Variants in NKAIN2 observed in about 807,000 individuals in gnomAD.
NKAIN2 encodes sodium/potassium transporting ATPase interacting 2, also known as sodium/potassium-transporting ATPase subunit beta-1-interacting protein 2.
A neutral mutation model predicts 32.6 loss-of-function variants in NKAIN2; 14 were observed. The ratio of observed to expected loss-of-function variants is 0.43; its 90% CI spans 0.28 to 0.67. The LOEUF (loss-of-function observed/expected upper bound fraction) is 0.67. NKAIN2 is among the 30% of genes least tolerant of loss of function. The pLI is 0.17. For synonymous variants in NKAIN2, 80 were observed against 87.2 expected, an observed-to-expected ratio of 0.92 and a Z score of 0.46; for missense variants, 198 against 258.3, an observed-to-expected ratio of 0.77 and a Z score of 1.60.
intron 1 of NKAIN2, among the ~76,000 whole-genome samples, chr6:124,069,841 G>A (rs1783358062): frequency 6.6e-6 from 1 of 152,152 alleles, no homozygotes; most frequent in South Asian, 2.1e-4. Flanking sequence ...TGGAATTTAT[G>A]CCAAATTCCA....
At chr6:123,881,877 T>A (rs1383259335) in intron 1 of NKAIN2, among the ~76,000 whole-genome samples, 1 of 152,196 alleles carries the variant, frequency 6.6e-6, no homozygotes, top group East Asian at 1.9e-4. Context: ...CTTTTAGTCA[T>A]ATTCTGTAGA....
At chr6:124,279,375 C>T (rs933711638) in intron 1 of NKAIN2, among the ~76,000 whole-genome samples, 5 of 151,860 alleles carry the variant, frequency 3.3e-5, no homozygotes, top group South Asian at 4.2e-4. Flanking sequence ...GGTGTGGTGG[C>T]GGGCACCTGT....
At chr6:124,341,026 T>G (rs1398500126) in intron 2 of NKAIN2, among the ~76,000 whole-genome samples, 1 of 152,178 alleles carries the variant, frequency 6.6e-6, no homozygotes, top group Admixed American at 6.5e-5. Flanking sequence ...AACTTAAAAG[T>G]CATGTTTATA....
At chr6:123,807,202 A>G (rs1049937192) in intron 1 of NKAIN2, among the ~76,000 whole-genome samples, 1 of 152,132 alleles carries the variant, frequency 6.6e-6, no homozygotes, top group African/African-American at 2.4e-5. Context: ...AGAAACTAGA[A>G]TTCCATACCA....
At chr6:124,493,144 T>G (rs12111137) in intron 3 of NKAIN2, among the ~76,000 whole-genome samples, 2,245 of 152,100 alleles carry the variant, frequency 0.015, 61 homozygotes, top group African/African-American at 0.052. Flanking sequence ...GATATTATTT[T>G]TATTATTAAT....
chr6:123,896,501 A>G (rs1774286224), intron 1 of NKAIN2, among the ~76,000 whole-genome samples: 1 of 152,182 alleles, frequency 6.6e-6, no homozygotes, highest in African/African-American at 2.4e-5. Context: ...ATATTCACAA[A>G]AGAAAGAAGA....
intron 1 of NKAIN2, among the ~76,000 whole-genome samples, chr6:123,904,222 ACT>A (rs1774744879): frequency 6.6e-6 from 1 of 151,700 alleles, no homozygotes; most frequent in Non-Finnish European, 1.5e-5. Flanking sequence ...CAAGAGTGAA[ACT>A]CTGCTTAAAA....
At chr6:124,237,759 A>G (rs1792854477) in intron 1 of NKAIN2, among the ~76,000 whole-genome samples, 1 of 152,108 alleles carries the variant, frequency 6.6e-6, no homozygotes, top group Non-Finnish European at 1.5e-5. Flanking sequence ...GATGTCCAGT[A>G]TAGCAATATC....
At chr6:124,137,651 A>G (rs1477312785) in intron 1 of NKAIN2, among the ~76,000 whole-genome samples, 1 of 152,092 alleles carries the variant, frequency 6.6e-6, no homozygotes, top group Non-Finnish European at 1.5e-5. Flanking sequence ...CATGTTACCA[A>G]TAAAAAGATA....
At chr6:124,239,996 AGC>A (rs1183925529) in intron 1 of NKAIN2, among the ~76,000 whole-genome samples, 2 of 152,184 alleles carry the variant, frequency 1.3e-5, no homozygotes. Context: ...ATAGACCACT[AGC>A]CAGACTAATA....
chr6:123,926,027 G>A (rs1303741955), intron 1 of NKAIN2, among the ~76,000 whole-genome samples: 2 of 152,136 alleles, frequency 1.3e-5, no homozygotes, highest in African/African-American at 4.8e-5. Flanking sequence ...CTCACATGGT[G>A]GAAGGGACTA....
chr6:124,149,975 G>A (rs1299803171), intron 1 of NKAIN2, among the ~76,000 whole-genome samples: 2 of 152,120 alleles, frequency 1.3e-5, no homozygotes, highest in Non-Finnish European at 2.9e-5. Flanking sequence ...GTGAAGGTCA[G>A]GGGCATGGAT....
At chr6:124,020,440 G>T (rs1780811959) in intron 1 of NKAIN2, among the ~76,000 whole-genome samples, 1 of 152,012 alleles carries the variant, frequency 6.6e-6, no homozygotes, top group South Asian at 2.1e-4. Context: ...TCTAACTTCT[G>T]TGTTTGTACC....
At chr6:124,376,421 A>G (rs1799994498) in intron 3 of NKAIN2, among the ~76,000 whole-genome samples, 1 of 152,134 alleles carries the variant, frequency 6.6e-6, no homozygotes, top group Non-Finnish European at 1.5e-5. Flanking sequence ...TTATGGGGAA[A>G]TGCTAAGCAG....
At chr6:124,436,541 T>A (rs62436343) in intron 3 of NKAIN2, among the ~76,000 whole-genome samples, 1 of 152,188 alleles carries the variant, frequency 6.6e-6, no homozygotes, top group Non-Finnish European at 1.5e-5. Context: ...TAGAAACGTA[T>A]TTGAATAGAA....
At chr6:124,547,891 C>T (rs977194776) in intron 3 of NKAIN2, among the ~76,000 whole-genome samples, 5 of 152,256 alleles carry the variant, frequency 3.3e-5, no homozygotes, top group African/African-American at 1.2e-4. Context: ...CTTCCCCCCA[C>T]CACCCTACAC....
At chr6:124,561,271 G>C (rs745500750) in intron 3 of NKAIN2, among the ~76,000 whole-genome samples, 26 of 152,166 alleles carry the variant, frequency 1.7e-4, no homozygotes, top group Non-Finnish European at 3.4e-4. Context: ...CCTTCAAGCA[G>C]TTTCGTCAAC....
chr6:124,217,322 T>G (rs1373277407), intron 1 of NKAIN2, among the ~76,000 whole-genome samples: 1 of 152,002 alleles, frequency 6.6e-6, no homozygotes, highest in Non-Finnish European at 1.5e-5. Flanking sequence ...TGAGAGAAAT[T>G]AGTATTTTAC....
intron 3 of NKAIN2, among the ~76,000 whole-genome samples, chr6:124,641,657 T>G (rs1210605042): frequency 6.8e-6 from 1 of 147,598 alleles, no homozygotes; most frequent in Non-Finnish European, 1.5e-5. Flanking sequence ...GCTAAAGCGA[T>G]TCTCCTGCTT....
Sources: gnomAD v4.1 joint callset for allele counts (sites outside exome capture counted in the v4.1 genomes callset) on GRCh38, gnomAD v4.1.1 for gene constraint, MANE v1.5 for transcripts, NCBI Gene and HGNC (gene_info 2026-07-23, HGNC 2026-07-21) for gene names.